ATP8A1: variants seen among roughly 807,000 people sequenced by gnomAD.
The protein encoded by ATP8A1 is ATPase phospholipid transporting 8A1, also known as phospholipid-transporting ATPase IA.
In ATP8A1, 90 loss-of-function variants were observed where a neutral mutation model predicts 177.7. The ratio of observed to expected loss-of-function variants is 0.51; its 90% CI spans 0.43 to 0.60. The LOEUF (loss-of-function observed/expected upper bound fraction) is 0.60, where lower values mean the gene tolerates loss of function less well. Ranked by LOEUF, ATP8A1 falls within the 20% of genes least tolerant of loss-of-function variation. The pLI, the probability that ATP8A1 is intolerant of heterozygous loss-of-function variation, is 0.00. For synonymous variants in ATP8A1, 493 were observed against 485.9 expected, an observed-to-expected ratio of 1.01 and a Z score of -0.19; for missense variants, 1,072 against 1,392.8, an observed-to-expected ratio of 0.77 and a Z score of 3.67.
chr4:42,581,344 A>G (rs1022430745), intron 10 of ATP8A1, among the ~76,000 whole-genome samples: 2 of 152,206 alleles, frequency 1.3e-5, no homozygotes, highest in Non-Finnish European at 2.9e-5. Context: ...CGTGTTAGCC[A>G]GCATGATCTT....
At chr4:42,577,090 TAGAAA>T (rs1319384020) in intron 12 of ATP8A1, among the ~76,000 whole-genome samples, 2 of 152,202 alleles carry the variant, frequency 1.3e-5, no homozygotes, top group African/African-American at 4.8e-5. Flanking sequence ...CTCTGTATAT[TAGAAA>T]GGTGGTTGAA....
chr4:42,472,028 G>GA (rs1440662410), intron 25 of ATP8A1: 1 of 721,004 alleles, frequency 1.4e-6, no homozygotes, highest in Non-Finnish European at 2.6e-6. Context: ...AATCTTTCCA[G>GA]AAAATCCAAC....
chr4:42,570,648 CAG>C (rs1415802817), intron 14 of ATP8A1, among the ~76,000 whole-genome samples: 5 of 152,248 alleles, frequency 3.3e-5, no homozygotes, highest in African/African-American at 1.2e-4. Context: ...GCCCGATGAG[CAG>C]TAGGTGGCCT....
chr4:42,487,947 A>G (rs1560380715), intron 24 of ATP8A1, among the ~76,000 whole-genome samples: 1 of 152,214 alleles, frequency 6.6e-6, no homozygotes, highest in African/African-American at 2.4e-5. Context: ...CACACTTTAC[A>G]TCAGGGATGG....
chr4:42,505,306 A>C (rs1383961749), intron 23 of ATP8A1, among the ~76,000 whole-genome samples: 2 of 152,202 alleles, frequency 1.3e-5, no homozygotes, highest in Non-Finnish European at 2.9e-5. Flanking sequence ...CAAGATTCTA[A>C]ATGTTAAATG....
chr4:42,452,342 A>G lies in ATP8A1; in HGVS notation c.2818-283T>C, dbSNP rs137945997. Among the ~76,000 whole-genome samples, 12 of 152,322 alleles carry G rather than the reference A, an allele frequency of 7.9e-5. No homozygotes were observed. In the East Asian group the frequency reaches 2.3e-3, roughly 29 times the overall value. ...GCCTGAAAAAGAAAATAAAATTTAA[A>G]ATAAAAAAATGCAGAATTCTGAAAT... On this transcript the variant is annotated intron_variant, in intron 29 of 36. Transcript: ENST00000381668.
intron 1 of ATP8A1, among the ~76,000 whole-genome samples, chr4:42,655,723 G>C (rs1188331996): frequency 6.6e-6 from 1 of 152,110 alleles, no homozygotes; most frequent in Non-Finnish European, 1.5e-5. Context: ...ACTGCAATCA[G>C]AAAATTTCAG....
intron 25 of ATP8A1, among the ~76,000 whole-genome samples, chr4:42,471,319 C>A (rs531132257): frequency 1.1e-4 from 17 of 152,172 alleles, no homozygotes; most frequent in Admixed American, 5.2e-4. Flanking sequence ...CATAGGCATT[C>A]AGGAGACCTT....
intron 33 of ATP8A1, 105 bp downstream of exon 33, chr4:42,443,460 T>C: frequency 1.7e-6 from 1 of 588,488 alleles, no homozygotes; most frequent in Non-Finnish European, 3.1e-6. Context: ...AATCCTATTT[T>C]AATATAAATC....
At chr4:42,555,139 A>ATCTATCTAATCTATCTATCTATCT (rs1553903246) in intron 16 of ATP8A1, among the ~76,000 whole-genome samples, 2 of 59,556 alleles carry the variant, frequency 3.4e-5, no homozygotes. Context: ...CTATCTATCT[A>ATCTATCTAATCTATCTATCTATCT]ATCTATCTAT....
chr4:42,616,886 G>C (rs1049111242), intron 4 of ATP8A1, among the ~76,000 whole-genome samples: 1 of 152,172 alleles, frequency 6.6e-6, no homozygotes, highest in African/African-American at 2.4e-5. Context: ...GGTTCACCTA[G>C]AGGTTTTCCA....
chr4:42,643,633 C>T (rs10029831), intron 1 of ATP8A1, among the ~76,000 whole-genome samples: 8,628 of 152,178 alleles, frequency 0.057, 711 homozygotes, highest in African/African-American at 0.19. Context: ...TTGTTTCAAC[C>T]CTTACCCCCA....
intron 21 of ATP8A1, among the ~76,000 whole-genome samples, chr4:42,522,845 C>T (rs1478913818): frequency 6.6e-6 from 1 of 152,172 alleles, no homozygotes; most frequent in Non-Finnish European, 1.5e-5. Context: ...GGCAGTAACA[C>T]TCCTACAGCG....
intron 24 of ATP8A1, among the ~76,000 whole-genome samples, chr4:42,491,889 C>G (rs949220310): frequency 4.6e-5 from 7 of 152,082 alleles, no homozygotes; most frequent in African/African-American, 1.7e-4. Flanking sequence ...TGGAAACATC[C>G]CTAAGGAAAG....
chr4:42,527,569 T>A lies in ATP8A1; in HGVS notation c.1723-2722A>T, dbSNP rs1578109033. Among the ~76,000 whole-genome samples, 3 of 152,116 alleles carry A rather than the reference T, an allele frequency of 2.0e-5. No individual in the cohort carries two copies. In the South Asian group the frequency reaches 6.2e-4, roughly 32 times the overall value. On this transcript the variant is annotated intron_variant, in intron 20 of 36. Coordinates refer to ENST00000381668, the MANE Select transcript of ATP8A1 (RefSeq NM_006095.2). ...CCCCTGAAGCAGTTGCCAGGCAAGA[T>A]GATGTTGATTCTCTTCTGGACCCAC...
chr4:42,636,687 C>G (rs1739428491), intron 1 of ATP8A1, among the ~76,000 whole-genome samples: 1 of 152,156 alleles, frequency 6.6e-6, no homozygotes, highest in Non-Finnish European at 1.5e-5. Flanking sequence ...AGTGGACAAT[C>G]TGCTCTTTCC....
At chr4:42,453,086 C>G (rs1373190822) in intron 29 of ATP8A1, among the ~76,000 whole-genome samples, 1 of 152,206 alleles carries the variant, frequency 6.6e-6, no homozygotes, top group Non-Finnish European at 1.5e-5. Context: ...TTTTATTTGA[C>G]AGAAAGCACA....
At chr4:42,626,195 G>C (rs1459971282) in intron 2 of ATP8A1, 1 of 152,396 alleles carries the variant, frequency 6.6e-6, no homozygotes, top group Non-Finnish European at 1.5e-5. Context: ...TGCCACTCCA[G>C]GAACATGGCT....
chr4:42,624,608 A>T lies in ATP8A1; in HGVS notation c.291T>A (p.Gly97=). The T allele has an allele frequency of 6.8e-7, 1 of 1,471,108 alleles. No individual in the cohort carries two copies. The highest frequency in any genetic ancestry group is 9.0e-7 in the Non-Finnish European group (1 of 1,105,516). 91.1% of individuals were successfully genotyped at this position (1,471,108 alleles called of 1,614,324 possible). A position where few individuals can be genotyped will look rare whatever the true frequency, so the allele number is the denominator to read the frequency against. The change falls in exon 4 of 37, where the codon GGT becomes GGA. Residue 97 remains glycine (G), a synonymous_variant. Transcript: ENST00000381668. ...AGAGAGGAACCAGTGTTGTATAACG[A>T]CCTGTTGGTGACACATCAGGTATTT... is the stretch of plus-strand genomic sequence containing the variant. ...LQQIPDVSPT[G]RYTTLVPLLF... is the part of the protein sequence containing the mutation.
Sources: allele counts gnomAD v4.1 joint callset (sites outside exome capture counted in the v4.1 genomes callset), GRCh38; gene constraint gnomAD v4.1.1; transcripts MANE v1.5; gene names NCBI Gene and HGNC (gene_info 2026-07-23, HGNC 2026-07-21).